The following SLC24A2 variants were observed in gnomAD, a reference collection of about 807,000 sequenced individuals.
The protein encoded by SLC24A2 is solute carrier family 24 member 2.
SLC24A2 carries 36 observed loss-of-function variants against 62.0 expected under a neutral mutation model. The ratio of observed to expected loss-of-function variants is 0.58; its 90% CI spans 0.44 to 0.77. The LOEUF is 0.77. Ranked by LOEUF, SLC24A2 falls within the 30% of genes least tolerant of loss-of-function variation. SLC24A2 has a pLI of 0.00. For synonymous variants in SLC24A2, 358 were observed against 294.0 expected (o/e 1.22, Z -2.23); for missense variants, 846 against 817.9 (o/e 1.03, Z -0.42).
chr9:19,828,422 C>G, the SLC24A2 span, among the ~76,000 whole-genome samples: 2 of 152,038 alleles, frequency 1.3e-5, no homozygotes, highest in Admixed American at 1.3e-4. Flanking sequence ...ATTTATTACC[C>G]ATACAACTAT....
the SLC24A2 span, among the ~76,000 whole-genome samples, chr9:20,199,543 G>A: frequency 2.0e-5 from 3 of 152,040 alleles, no homozygotes; most frequent in Non-Finnish European, 4.4e-5. Flanking sequence ...TAGAGTGGGA[G>A]AATCTCTATT....
the SLC24A2 span, among the ~76,000 whole-genome samples, chr9:20,085,418 G>A: frequency 6.6e-6 from 1 of 152,152 alleles, no homozygotes; most frequent in Non-Finnish European, 1.5e-5. Flanking sequence ...TTTTGATGGG[G>A]GATGTAAGAT....
chr9:19,645,905 ACTGGAC>A (rs1297277138), intron 2 of SLC24A2, among the ~76,000 whole-genome samples: 1 of 152,244 alleles, frequency 6.6e-6, no homozygotes, highest in Non-Finnish European at 1.5e-5. Context: ...TGCACAGGGC[ACTGGAC>A]CTGGGTCAGA....
the SLC24A2 span, among the ~76,000 whole-genome samples, chr9:20,189,048 G>A: frequency 1.3e-5 from 2 of 150,420 alleles, no homozygotes; most frequent in Non-Finnish European, 2.9e-5. Context: ...TAGACTGCCA[G>A]AAATTAGGGT....
intron 3 of SLC24A2, among the ~76,000 whole-genome samples, chr9:19,621,462 A>G (rs1467004283): frequency 1.3e-5 from 2 of 152,200 alleles, no homozygotes; most frequent in African/African-American, 4.8e-5. Context: ...TTTGGCCTTG[A>G]AAGTCTTAAA....
chr9:19,814,707 T>G, the SLC24A2 span, among the ~76,000 whole-genome samples: 2 of 152,200 alleles, frequency 1.3e-5, no homozygotes, highest in East Asian at 1.9e-4. Flanking sequence ...CTTGACCTAC[T>G]AGAACTTGAT....
chr9:19,779,092 A>C (rs1822931490), intron 2 of SLC24A2, among the ~76,000 whole-genome samples: 1 of 152,226 alleles, frequency 6.6e-6, no homozygotes, highest in Admixed American at 6.5e-5. Context: ...AGATATAAAG[A>C]AATGACAAGA....
the SLC24A2 span, among the ~76,000 whole-genome samples, chr9:19,826,169 A>G: frequency 6.4e-4 from 44 of 68,654 alleles, no homozygotes; most frequent in African/African-American, 1.8e-3. Context: ...AGAATGATGC[A>G]TTGCAAAAAA....
At chr9:19,822,020 G>C in the SLC24A2 span, among the ~76,000 whole-genome samples, 2 of 152,066 alleles carry the variant, frequency 1.3e-5, no homozygotes, top group Non-Finnish European at 2.9e-5. Context: ...AATGGTATGA[G>C]GCATCATCTA....
At chr9:19,997,017 A>G in the SLC24A2 span, among the ~76,000 whole-genome samples, 27 of 152,192 alleles carry the variant, frequency 1.8e-4, no homozygotes, top group Admixed American at 1.4e-3. Flanking sequence ...ACTGTCCATT[A>G]TTGCAGGCAA....
chr9:19,967,448 G>T, the SLC24A2 span: 51 of 152,314 alleles, frequency 3.3e-4, no homozygotes, highest in African/African-American at 1.0e-3. Context: ...TTGGTCTTCT[G>T]AGTCTATATT....
chr9:19,787,344 C>G (rs1033444863), intron 1 of SLC24A2, among the ~76,000 whole-genome samples: 3 of 152,190 alleles, frequency 2.0e-5, no homozygotes, highest in Non-Finnish European at 4.4e-5. Context: ...AAAAATTTTA[C>G]AGGTGAAAAT....
chr9:19,513,200 T>TATA lies in SLC24A2; in HGVS notation c.*2952_*2953insTAT, dbSNP rs1832797784. 1 of 97,486 alleles carries TATA rather than the reference T, an allele frequency of 1.0e-5. No homozygotes were observed. Among genetic ancestry groups the TATA allele is most frequent in the African/African-American group, 4.4e-5 (1 of 22,734 alleles). 6.0% of individuals were successfully genotyped at this position (97,486 alleles called of 1,614,324 possible). A position where few individuals can be genotyped will look rare whatever the true frequency, so the allele number is the denominator to read the frequency against. The stretch of plus-strand genomic sequence containing the variant: ...TGTATATATATATATATGTATATAT[T>TATA]TATATATGTATATACACAGGCATGC... On this transcript the variant is annotated 3_prime_UTR_variant, in exon 11 of 11. Transcript: ENST00000341998.
the SLC24A2 span, among the ~76,000 whole-genome samples, chr9:19,844,164 T>C: frequency 6.6e-6 from 1 of 152,224 alleles, no homozygotes; most frequent in African/African-American, 2.4e-5. Context: ...TGTTCCCTTT[T>C]CTCCATAGCC....
At chr9:20,055,258 T>G in the SLC24A2 span, among the ~76,000 whole-genome samples, 1 of 152,194 alleles carries the variant, frequency 6.6e-6, no homozygotes, top group African/African-American at 2.4e-5. Flanking sequence ...TCTTTACTTC[T>G]GCAAAATTTT....
chr9:19,589,237 G>A (rs746490468), intron 5 of SLC24A2, among the ~76,000 whole-genome samples: 1 of 152,152 alleles, frequency 6.6e-6, no homozygotes, highest in Non-Finnish European at 1.5e-5. Flanking sequence ...GTTCAACAGG[G>A]TACTGATTGA....
intron 2 of SLC24A2, among the ~76,000 whole-genome samples, chr9:19,699,555 T>C (rs1300667598): frequency 6.6e-6 from 1 of 152,160 alleles, no homozygotes; most frequent in Non-Finnish European, 1.5e-5. Context: ...CCTGGGAAAA[T>C]ATTCATCATC....
chr9:19,769,651 T>C (rs531082750), intron 2 of SLC24A2, among the ~76,000 whole-genome samples: 1 of 152,194 alleles, frequency 6.6e-6, no homozygotes, highest in South Asian at 2.1e-4. Flanking sequence ...GTGTTACCAA[T>C]GTAATCAGCA....
At chr9:19,910,708 G>A in the SLC24A2 span, among the ~76,000 whole-genome samples, 1 of 151,912 alleles carries the variant, frequency 6.6e-6, no homozygotes, top group Non-Finnish European at 1.5e-5. Flanking sequence ...TCTACCTTCA[G>A]ATGTTCCTAG....
Sources: gnomAD v4.1 joint callset for allele counts (sites outside exome capture counted in the v4.1 genomes callset) on GRCh38, gnomAD v4.1.1 for gene constraint, MANE v1.5 for transcripts, NCBI Gene and HGNC (gene_info 2026-07-23, HGNC 2026-07-21) for gene names.